Variants in ATP8A2 observed in about 807,000 individuals in gnomAD.
ATP8A2 encodes the protein phospholipid-transporting ATPase IB.
A neutral mutation model predicts 165.6 loss-of-function variants in ATP8A2; 100 were observed. That is an observed-to-expected ratio of 0.60 (90% confidence interval 0.51 to 0.71). The LOEUF is 0.71. Ranked by LOEUF, ATP8A2 falls within the 30% of genes least tolerant of loss-of-function variation. ATP8A2 has a pLI of 0.00. For synonymous variants in ATP8A2, 543 were observed against 548.8 expected, an observed-to-expected ratio of 0.99 and a Z score of 0.15; for missense variants, 1,227 against 1,479.5, an observed-to-expected ratio of 0.83 and a Z score of 2.80.
intron 1 of ATP8A2, among the ~76,000 whole-genome samples, chr13:25,429,199 C>T (rs1252393887): frequency 2.0e-5 from 3 of 151,788 alleles, no homozygotes; most frequent in Non-Finnish European, 2.9e-5. Flanking sequence ...GAAAACTCGT[C>T]TCTACTAAAA....
At chr13:25,745,356 T>C (rs2044008274) in intron 25 of ATP8A2, among the ~76,000 whole-genome samples, 2 of 152,212 alleles carry the variant, frequency 1.3e-5, no homozygotes, top group Non-Finnish European at 2.9e-5. Flanking sequence ...CCATGCGTTA[T>C]GCCGTGAGCG....
chr13:26,016,685 G>C (rs77247793), intron 36 of ATP8A2, among the ~76,000 whole-genome samples: 1 of 152,148 alleles, frequency 6.6e-6, no homozygotes, highest in African/African-American at 2.4e-5. Context: ...GCCAAAAGAG[G>C]TATAATAGGT....
intron 1 of ATP8A2, among the ~76,000 whole-genome samples, chr13:25,439,744 A>T (rs1160443161): frequency 6.6e-6 from 1 of 151,866 alleles, no homozygotes; most frequent in Non-Finnish European, 1.5e-5. Flanking sequence ...AGACTGTCTA[A>T]TTTTTTCAAA....
chr13:25,485,313 C>T (rs1471174667), intron 2 of ATP8A2, among the ~76,000 whole-genome samples: 1 of 152,096 alleles, frequency 6.6e-6, no homozygotes, highest in Non-Finnish European at 1.5e-5. Flanking sequence ...GGGGAGGTAC[C>T]ACCATTATTC....
chr13:25,630,082 C>CT (rs1462702782), intron 24 of ATP8A2, among the ~76,000 whole-genome samples: 63 of 122,216 alleles, frequency 5.2e-4, no homozygotes, highest in African/African-American at 1.9e-3. Context: ...TTTTTGTCCC[C>CT]CCCCCACCAC....
intron 4 of ATP8A2, among the ~76,000 whole-genome samples, chr13:25,531,564 A>C (rs1480645154): frequency 6.6e-6 from 1 of 151,288 alleles, no homozygotes; most frequent in Non-Finnish European, 1.5e-5. Flanking sequence ...ACATATATGC[A>C]TCTTTCTGGG....
chr13:25,958,629 G>A (rs751275016), intron 33 of ATP8A2, among the ~76,000 whole-genome samples: 26 of 152,132 alleles, frequency 1.7e-4, no homozygotes, highest in Non-Finnish European at 3.7e-4. Flanking sequence ...GCATGTAAAT[G>A]GTCAGTAGAT....
chr13:25,937,246 A>G (rs1435600295), intron 33 of ATP8A2, among the ~76,000 whole-genome samples: 1 of 151,986 alleles, frequency 6.6e-6, no homozygotes, highest in Non-Finnish European at 1.5e-5. Context: ...GGAAAACAAA[A>G]TGTACCCTTG....
chr13:25,906,389 G>T (rs1174622577), intron 33 of ATP8A2, among the ~76,000 whole-genome samples: 2 of 151,936 alleles, frequency 1.3e-5, no homozygotes, highest in Non-Finnish European at 2.9e-5. Context: ...CTCAGAATCT[G>T]CAGTGATGCC....
chr13:25,737,130 G>A (rs139554612), intron 25 of ATP8A2, among the ~76,000 whole-genome samples: 3,532 of 152,202 alleles, frequency 0.023, 85 homozygotes, highest in South Asian at 0.13. Context: ...GTTCTAGGCC[G>A]TGTTTCCTGT....
intron 35 of ATP8A2, among the ~76,000 whole-genome samples, chr13:25,996,653 G>A (rs1447407438): frequency 2.6e-5 from 4 of 152,040 alleles, no homozygotes; most frequent in African/African-American, 9.7e-5. Flanking sequence ...AGCCTCCTAA[G>A]TAGCTGGTAT....
At chr13:25,867,858 A>C (rs1952557020) in intron 33 of ATP8A2, 1 of 211,360 alleles carries the variant, frequency 4.7e-6, no homozygotes, top group Non-Finnish European at 1.0e-5. Flanking sequence ...TCAGAATCCT[A>C]CTATAGCCTG....
intron 2 of ATP8A2, among the ~76,000 whole-genome samples, chr13:25,470,407 T>A (rs1355673840): frequency 1.3e-5 from 2 of 152,180 alleles, no homozygotes; most frequent in African/African-American, 4.8e-5. Context: ...CTAGGGTGGC[T>A]CCAATCAAAA....
chr13:25,645,560 A>G (rs1270547164), intron 24 of ATP8A2, among the ~76,000 whole-genome samples: 1 of 151,878 alleles, frequency 6.6e-6, no homozygotes, highest in Admixed American at 6.6e-5. Context: ...TGCTGTAAAA[A>G]CTTTCCTCTT....
intron 25 of ATP8A2, among the ~76,000 whole-genome samples, chr13:25,704,393 C>T (rs1046094129): frequency 1.1e-4 from 16 of 150,310 alleles, no homozygotes; most frequent in Non-Finnish European, 2.4e-4. Context: ...GAGTGCAGTG[C>T]CATGAACACA....
At chr13:25,556,624 T>C (rs1413608688) in intron 13 of ATP8A2, among the ~76,000 whole-genome samples, 9 of 152,314 alleles carry the variant, frequency 5.9e-5, no homozygotes, top group African/African-American at 1.9e-4. Context: ...TTTAATTAGG[T>C]CCTACTTGTT....
intron 2 of ATP8A2, among the ~76,000 whole-genome samples, chr13:25,506,959 A>ATATC (rs1555285068): frequency 6.9e-6 from 1 of 145,946 alleles, no homozygotes; most frequent in African/African-American, 2.5e-5. Context: ...ATATATATAT[A>ATATC]TATCTTATTT....
chr13:25,747,267 A>G (rs2044053172), intron 25 of ATP8A2, among the ~76,000 whole-genome samples: 1 of 152,238 alleles, frequency 6.6e-6, no homozygotes. Context: ...ATAGCGCTTG[A>G]GCAGGCAAAC....
At chr13:25,542,732 G>A (rs1035807640) in intron 9 of ATP8A2, among the ~76,000 whole-genome samples, 6 of 152,052 alleles carry the variant, frequency 3.9e-5, no homozygotes, top group Non-Finnish European at 7.4e-5. Flanking sequence ...TGACAACTAA[G>A]TGTGACTGCT....
Sources: gnomAD v4.1 joint callset for allele counts (sites outside exome capture counted in the v4.1 genomes callset) on GRCh38, gnomAD v4.1.1 for gene constraint, MANE v1.5 for transcripts, NCBI Gene and HGNC (gene_info 2026-07-23, HGNC 2026-07-21) for gene names.